ZNF438: variants seen among roughly 807,000 people sequenced by gnomAD.
ZNF438 encodes zinc finger protein 438.
A neutral mutation model predicts 38.0 loss-of-function variants in ZNF438; 25 were observed. The observed-to-expected ratio is 0.66, with a 90% CI of 0.48 to 0.92. The LOEUF is 0.92. Ranked by LOEUF, ZNF438 falls within the 40% of genes least tolerant of loss-of-function variation. The pLI is 0.00. For synonymous variants in ZNF438, 372 were observed against 364.1 expected (o/e 1.02, Z -0.25); for missense variants, 1,007 against 999.6 (o/e 1.01, Z -0.10).
intron 1 of ZNF438, among the ~76,000 whole-genome samples, chr10:30,976,850 T>G (rs534915170): frequency 6.6e-6 from 1 of 152,054 alleles, no homozygotes; most frequent in South Asian, 2.1e-4. Flanking sequence ...AAATAAAAAC[T>G]TATAGAACTA....
chr10:30,895,295 A>C (rs1170212768), intron 3 of ZNF438, among the ~76,000 whole-genome samples: 1 of 152,224 alleles, frequency 6.6e-6, no homozygotes, highest in Non-Finnish European at 1.5e-5. Context: ...ATGAAGCAAC[A>C]CTTCGAGTTA....
intron 2 of ZNF438, among the ~76,000 whole-genome samples, chr10:30,923,589 T>C (rs1266043141): frequency 6.6e-6 from 1 of 152,240 alleles, no homozygotes; most frequent in African/African-American, 2.4e-5. Context: ...TTTCCCCCAA[T>C]GATCTTCAAC....
At chr10:30,869,650 A>C (rs2037070850) in intron 4 of ZNF438, among the ~76,000 whole-genome samples, 1 of 152,180 alleles carries the variant, frequency 6.6e-6, no homozygotes, top group Non-Finnish European at 1.5e-5. Flanking sequence ...ATTTTGTAGA[A>C]GTTATTACAT....
intron 1 of ZNF438, among the ~76,000 whole-genome samples, chr10:30,988,190 C>T (rs1027034417): frequency 6.6e-6 from 1 of 151,330 alleles, no homozygotes; most frequent in Non-Finnish European, 1.5e-5. Context: ...TAAACTATTA[C>T]AAAATAAAAT....
At chr10:30,895,485 C>A (rs1207881368) in intron 3 of ZNF438, among the ~76,000 whole-genome samples, 1 of 152,104 alleles carries the variant, frequency 6.6e-6, no homozygotes, top group African/African-American at 2.4e-5. Context: ...AAAACATAGG[C>A]AGCAAAGGTA....
intron 4 of ZNF438, among the ~76,000 whole-genome samples, chr10:30,873,176 T>C (rs2037773808): frequency 6.6e-6 from 1 of 152,190 alleles, no homozygotes; most frequent in Non-Finnish European, 1.5e-5. Context: ...AAAAGGAGGT[T>C]ATGGAAAACT....
chr10:30,932,215 G>C (rs987334174), intron 2 of ZNF438, among the ~76,000 whole-genome samples: 1 of 151,790 alleles, frequency 6.6e-6, no homozygotes, highest in African/African-American at 2.4e-5. Context: ...TATTACAGTT[G>C]TATGCATTAA....
chr10:30,904,939 T>TA (rs1348704132), intron 3 of ZNF438, among the ~76,000 whole-genome samples: 2 of 152,200 alleles, frequency 1.3e-5, no homozygotes, highest in African/African-American at 2.4e-5. Context: ...TGATGGTACT[T>TA]ACCACAATTG....
chr10:30,855,599 A>G (rs2034481124), intron 4 of ZNF438, among the ~76,000 whole-genome samples: 1 of 152,220 alleles, frequency 6.6e-6, no homozygotes, highest in Admixed American at 6.5e-5. Flanking sequence ...AGGCAGGAGA[A>G]AGACAGCAAG....
At chr10:30,981,181 T>G (rs974549542) in intron 1 of ZNF438, among the ~76,000 whole-genome samples, 2 of 152,168 alleles carry the variant, frequency 1.3e-5, no homozygotes, top group African/African-American at 4.8e-5. Context: ...TGTTCAGCAA[T>G]TAATCAGGTG....
chr10:30,848,707 G>A (rs1283843774), exon 5 of ZNF438: 6 of 1,614,074 alleles, frequency 3.7e-6, no homozygotes, highest in Non-Finnish European at 4.2e-6. Flanking sequence ...CACAACACAT[G>A]AGTTTCTTCA....
At chr10:31,004,392 T>C (rs1198780410) in intron 1 of ZNF438, among the ~76,000 whole-genome samples, 1 of 152,090 alleles carries the variant, frequency 6.6e-6, no homozygotes, top group Non-Finnish European at 1.5e-5. Context: ...AATGGTCAAC[T>C]AGAATGGGAG....
chr10:30,968,597 C>T (rs11008317), intron 1 of ZNF438, among the ~76,000 whole-genome samples: 6,554 of 151,876 alleles, frequency 0.043, 248 homozygotes, highest in East Asian at 0.16. Flanking sequence ...ACATGCACCA[C>T]CACACCTGGC....
rs537600733 is a variant in ZNF438 at position 30,987,154 on chromosome 10, G to A, written c.-192+44679C>T. ...ACAAACGTTTATACACACACACAGG[G>A]TTAAAAAAATTGAACTAAGGCTGGG... On this transcript the variant is annotated intron_variant, in intron 1 of 5. Transcript: ENST00000413025. Among the ~76,000 whole-genome samples the A allele has an allele frequency of 8.6e-5, 13 of 151,878 alleles. No homozygotes were observed. The South Asian group carries it at 2.7e-3, about 32-fold the overall frequency.
At chr10:30,896,928 G>A (rs2041421190) in intron 3 of ZNF438, among the ~76,000 whole-genome samples, 1 of 152,162 alleles carries the variant, frequency 6.6e-6, no homozygotes, top group African/African-American at 2.4e-5. Context: ...AGGCAAAAAT[G>A]GCAATCACTC....
At chr10:30,948,951 G>C (rs1435393795) in intron 1 of ZNF438, among the ~76,000 whole-genome samples, 1 of 152,162 alleles carries the variant, frequency 6.6e-6, no homozygotes, top group Non-Finnish European at 1.5e-5. Context: ...ATAATTGTCA[G>C]ATTCACCAGA....
At chr10:30,995,917 A>G (rs1256787361) in intron 1 of ZNF438, among the ~76,000 whole-genome samples, 4 of 152,220 alleles carry the variant, frequency 2.6e-5, no homozygotes, top group Non-Finnish European at 4.4e-5. Flanking sequence ...AAAAATTACA[A>G]CAGTGTGTTG....
intron 3 of ZNF438, among the ~76,000 whole-genome samples, chr10:30,892,189 T>C (rs904554396): frequency 2.0e-5 from 3 of 151,996 alleles, no homozygotes; most frequent in Non-Finnish European, 4.4e-5. Context: ...CATTCCAAGA[T>C]CCCCAGTGGA....
At chr10:31,006,187 C>T (rs1033528528) in intron 1 of ZNF438, among the ~76,000 whole-genome samples, 1 of 152,176 alleles carries the variant, frequency 6.6e-6, no homozygotes, top group Non-Finnish European at 1.5e-5. Flanking sequence ...TGATGGCTGG[C>T]AGTCCCTGGG....
Sources: gnomAD v4.1 joint callset for allele counts (sites outside exome capture counted in the v4.1 genomes callset) on GRCh38, gnomAD v4.1.1 for gene constraint, MANE v1.5 for transcripts, NCBI Gene and HGNC (gene_info 2026-07-23, HGNC 2026-07-21) for gene names.